The following EXOC4 variants were observed in gnomAD, a reference collection of about 807,000 sequenced individuals.
EXOC4 encodes SEC8-like 1.
A neutral mutation model predicts 107.2 loss-of-function variants in EXOC4; 71 were observed. The ratio of observed to expected loss-of-function variants is 0.66; its 90% confidence interval spans 0.55 to 0.81. EXOC4 has a LOEUF of 0.81. EXOC4 is among the 30% of genes least tolerant of loss of function. The probability of loss-of-function intolerance (pLI) is 0.00; values close to 1 mark genes in which losing one functional copy is unlikely to be tolerated. For missense variants in EXOC4, 1,108 were observed against 1,189.6 expected (o/e 0.93, Z 1.01); for synonymous variants, 456 against 441.2 (o/e 1.03, Z -0.42).
chr7:133,886,511 T>C (rs1474466077), intron 11 of EXOC4, among the ~76,000 whole-genome samples: 4 of 147,288 alleles, frequency 2.7e-5, no homozygotes, highest in Admixed American at 2.0e-4. Flanking sequence ...CACAGCAATG[T>C]TTTTTTTTAT....
chr7:133,995,154 G>A (rs1212455910), intron 14 of EXOC4, among the ~76,000 whole-genome samples: 2 of 152,134 alleles, frequency 1.3e-5, no homozygotes, highest in African/African-American at 4.8e-5. Context: ...AGCTAATCTT[G>A]CCATAGACTT....
chr7:133,368,948 G>C (rs1404050875), intron 6 of EXOC4, among the ~76,000 whole-genome samples: 2 of 152,098 alleles, frequency 1.3e-5, no homozygotes, highest in African/African-American at 4.8e-5. Flanking sequence ...TAGATCAGTG[G>C]TGAAAACCTT....
chr7:133,637,570 G>A (rs1224064113), intron 10 of EXOC4, among the ~76,000 whole-genome samples: 1 of 150,198 alleles, frequency 6.7e-6, no homozygotes. Flanking sequence ...ATGCATGGGA[G>A]GAAATATAGA....
At chr7:133,878,099 G>A (rs565809937) in intron 11 of EXOC4, among the ~76,000 whole-genome samples, 1 of 152,260 alleles carries the variant, frequency 6.6e-6, no homozygotes, top group South Asian at 2.1e-4. Context: ...TTACTTCCCT[G>A]CAGAGCAAGA....
At chr7:133,266,186 A>G (rs1793727302) in intron 1 of EXOC4, among the ~76,000 whole-genome samples, 2 of 152,198 alleles carry the variant, frequency 1.3e-5, no homozygotes, top group South Asian at 2.1e-4. Context: ...CTCTGCTGTC[A>G]CATGGCCTTT....
chr7:133,783,840 C>G (rs1205159905), intron 10 of EXOC4, among the ~76,000 whole-genome samples: 2 of 152,180 alleles, frequency 1.3e-5, no homozygotes, highest in African/African-American at 4.8e-5. Context: ...CAGACTCTTT[C>G]ATACAATTTA....
intron 9 of EXOC4, among the ~76,000 whole-genome samples, chr7:133,618,039 G>A (rs551907586): frequency 2.4e-4 from 37 of 152,188 alleles, no homozygotes; most frequent in Non-Finnish European, 4.6e-4. Flanking sequence ...ATTCAGTAGA[G>A]GTGAAAGGAG....
intron 5 of EXOC4, among the ~76,000 whole-genome samples, chr7:133,352,252 A>T (rs925067546): frequency 3.9e-5 from 6 of 151,948 alleles, no homozygotes; most frequent in Non-Finnish European, 5.9e-5. Flanking sequence ...TCTATCAATT[A>T]TCGAGAGTAG....
the EXOC4 span, among the ~76,000 whole-genome samples, chr7:134,081,158 C>T: frequency 4.6e-5 from 7 of 152,138 alleles, no homozygotes; most frequent in South Asian, 2.1e-4. Flanking sequence ...GCCTGGCCAA[C>T]GTGGCACAAC....
chr7:133,932,178 C>T (rs1249241690), intron 13 of EXOC4, among the ~76,000 whole-genome samples: 3 of 152,150 alleles, frequency 2.0e-5, no homozygotes, highest in African/African-American at 7.2e-5. Context: ...CGTAATATTG[C>T]TTAAGTTTGT....
At chr7:133,432,035 C>G (rs1050026380) in intron 7 of EXOC4, among the ~76,000 whole-genome samples, 1 of 151,924 alleles carries the variant, frequency 6.6e-6, no homozygotes, top group East Asian at 1.9e-4. Flanking sequence ...AAAAAAGATT[C>G]CTGAATTTTG....
chr7:133,941,270 T>C (rs1032366923), intron 14 of EXOC4, among the ~76,000 whole-genome samples: 1 of 152,266 alleles, frequency 6.6e-6, no homozygotes, highest in East Asian at 1.9e-4. Flanking sequence ...GTGCTGGGAT[T>C]ACAGGCATGA....
At chr7:133,298,424 A>T (rs1283393980) in intron 3 of EXOC4, among the ~76,000 whole-genome samples, 4 of 152,178 alleles carry the variant, frequency 2.6e-5, no homozygotes, top group African/African-American at 7.2e-5. Flanking sequence ...AGTAACAAAT[A>T]ACATGACATG....
chr7:133,802,355 A>G (rs747843376), intron 10 of EXOC4, among the ~76,000 whole-genome samples: 10 of 152,230 alleles, frequency 6.6e-5, no homozygotes, highest in Non-Finnish European at 1.3e-4. Flanking sequence ...TATAGATATG[A>G]ACAATAATCA....
intron 1 of EXOC4, 135 bp downstream of exon 1, chr7:133,253,322 T>TAACCCCTCCCCAGGGCC: frequency 7.0e-7 from 1 of 1,424,794 alleles, no homozygotes; most frequent in South Asian, 1.6e-5. Flanking sequence ...TCCCCAGGGC[T>TAACCCCTCCCCAGGGCC]CTAACCCCTC....
chr7:133,688,416 T>C (rs1002755723), intron 10 of EXOC4, among the ~76,000 whole-genome samples: 1 of 152,198 alleles, frequency 6.6e-6, no homozygotes, highest in Non-Finnish European at 1.5e-5. Flanking sequence ...CTTTTTACTT[T>C]GAGTCCCAGT....
intron 5 of EXOC4, among the ~76,000 whole-genome samples, chr7:133,345,089 C>G (rs1795753906): frequency 6.6e-6 from 1 of 152,080 alleles, no homozygotes; most frequent in Non-Finnish European, 1.5e-5. Flanking sequence ...CCTTTGTCAG[C>G]CTGAGAGTTT....
At chr7:133,475,290 G>C (rs1410880739) in intron 7 of EXOC4, 38 bp from the exon 8 acceptor site, 2 of 1,514,760 alleles carry the variant, frequency 1.3e-6, no homozygotes, top group Non-Finnish European at 1.8e-6. Context: ...CATTAAAAAT[G>C]TGTATATTAA....
At chr7:133,440,236 G>A (rs1563066764) in intron 7 of EXOC4, among the ~76,000 whole-genome samples, 2 of 152,084 alleles carry the variant, frequency 1.3e-5, no homozygotes, top group Admixed American at 6.5e-5. Flanking sequence ...CTGGATCTGA[G>A]TCTTCCTGGG....
Sources: allele counts gnomAD v4.1 joint callset (sites outside exome capture counted in the v4.1 genomes callset), GRCh38; gene constraint gnomAD v4.1.1; transcripts MANE v1.5; gene names NCBI Gene and HGNC (gene_info 2026-07-23, HGNC 2026-07-21).